Variants in MAOA observed in about 807,000 individuals in gnomAD.
MAOA encodes monoamine oxidase A.
Under a neutral mutation model 42.0 loss-of-function variants are expected in MAOA, and 6 were observed. That is an observed-to-expected ratio of 0.14 (90% CI 0.08 to 0.28). The LOEUF (loss-of-function observed/expected upper bound fraction) is 0.28, where lower values mean the gene tolerates loss of function less well. MAOA is among the 10% of genes least tolerant of loss of function. The pLI, the probability that MAOA is intolerant of heterozygous loss-of-function variation, is 1.00. For synonymous variants in MAOA, 140 were observed against 154.0 expected (o/e 0.91, Z 0.67); for missense variants, 262 against 422.3 (o/e 0.62, Z 3.33).
intron 1 of MAOA, among the ~76,000 whole-genome samples, chrX:43,676,067 C>G (rs756798918): frequency 1.8e-5 from 2 of 112,500 alleles, no homozygotes; most frequent in South Asian, 7.3e-4. Context: ...CAGAGGCAGG[C>G]AGGCCTCCTT....
At chrX:43,733,868 CCTGAGAAAGGCAGGTG>C (rs1039112564) in intron 9 of MAOA, among the ~76,000 whole-genome samples, 12 of 111,988 alleles carry the variant, frequency 1.1e-4, no homozygotes, top group Non-Finnish European at 2.1e-4. Flanking sequence ...CACCAGCCTC[CCTGAGAAAGGCAGGTG>C]CTTACAACAT....
Position 43,693,378 on chromosome X carries a change from A to G in MAOA, c.256A>G (p.Ile86Val), listed in dbSNP as rs780148935. The G allele has an allele frequency of 1.7e-6, 2 of 1,209,448 alleles. No homozygotes were observed. Among genetic ancestry groups the G allele is most frequent in the Non-Finnish European group, 2.2e-6 (2 of 894,540 alleles). ...CTTACGCTTGTCTAAGGAGCTGGGC[A>G]TAGAGACTTACAAAGTGAATGTCAG... is the stretch of plus-strand genomic sequence containing the variant. ...RILRLSKELG[I>V]ETYKVNVSER... The change falls in exon 3 of 15, where the codon ATA becomes GTA. Residue 86 changes from isoleucine (I) to valine (V), a missense_variant. Around this residue, in one of 3 missense-constraint regions of MAOA, gnomAD observed 141 missense variants for 195.6 expected, o/e 0.72. Coordinates refer to ENST00000338702, the MANE Select transcript of MAOA (RefSeq NM_000240.4).
At chrX:43,731,936 C>A in intron 8 of MAOA, 83 bp downstream of exon 8, 1 of 926,983 alleles carries the variant, frequency 1.1e-6, no homozygotes, top group Non-Finnish European at 1.6e-6. Context: ...AGGTATTGAA[C>A]AGAAACAAAG....
At chrX:43,685,927 G>T (rs2033484302) in intron 2 of MAOA, among the ~76,000 whole-genome samples, 1 of 111,957 alleles carries the variant, frequency 8.9e-6, no homozygotes, top group African/African-American at 3.3e-5. Context: ...CCTCTGTACT[G>T]ACTTGACATG....
chrX:43,666,053 A>T (rs1293173377), intron 1 of MAOA, among the ~76,000 whole-genome samples: 1 of 111,845 alleles, frequency 8.9e-6, no homozygotes, highest in Admixed American at 9.5e-5. Flanking sequence ...GCTTGAGATA[A>T]ATATATTCTA....
chrX:43,717,738 T>C (rs1036719017), intron 5 of MAOA, among the ~76,000 whole-genome samples: 4 of 109,764 alleles, frequency 3.6e-5, no homozygotes, highest in African/African-American at 1.3e-4. Context: ...GGGTAGATGG[T>C]TTGGCGGAAT....
rs760422737 is a variant in MAOA, at chrX:43,656,363, A to G, written c.22A>G (p.Ser8Gly). The part of the protein sequence containing the change: MENQEKA[S>G]IAGHMFDVVV... ...AAGCATGGAGAATCAAGAGAAGGCG[A>G]GTATCGCGGGCCACATGTTCGACGT... The change falls in exon 1 of 15, where the codon AGT becomes GGT. Residue 8 changes from serine to glycine, a missense_variant. Physicochemically the swap from Ser to Gly is moderately conservative, Grantham distance 56 (BLOSUM62 0). Coordinates refer to ENST00000338702, the MANE Select transcript of MAOA (RefSeq NM_000240.4). The G allele has an allele frequency of 8.3e-7, 1 of 1,211,565 alleles. No homozygotes were observed. The highest frequency in any genetic ancestry group is 3.0e-5 in the East Asian group (1 of 33,778).
intron 12 of MAOA, among the ~76,000 whole-genome samples, 169 bp downstream of exon 12, chrX:43,742,216 A>G (rs898263391): frequency 1.8e-5 from 2 of 112,891 alleles, no homozygotes; most frequent in African/African-American, 6.4e-5. Flanking sequence ...ATGTCATTAC[A>G]TAGAACAATA....
intron 10 of MAOA, among the ~76,000 whole-genome samples, chrX:43,738,779 C>A (rs904753563): frequency 4.5e-5 from 5 of 111,884 alleles, no homozygotes; most frequent in African/African-American, 1.6e-4. Context: ...CATAATCGTG[C>A]CACTGCATTC....
intron 5 of MAOA, among the ~76,000 whole-genome samples, chrX:43,720,313 G>A (rs1261390198): frequency 1.8e-5 from 2 of 109,938 alleles, no homozygotes; most frequent in South Asian, 4.0e-4. Flanking sequence ...GGGGAGACAA[G>A]AAGGGCAGAT....
At position 43,744,391 on chromosome X, in the gene MAOA, C is replaced by A. The variant is rs2033983941; in HGVS notation, c.1462C>A (p.His488Asn). Residue 488 changes from histidine (H) to asparagine (N), a missense_variant, in exon 15 of 15, where the codon CAC becomes AAC. His to Asn is a moderately conservative substitution (Grantham distance 68). Around this residue, in one of 3 missense-constraint regions of MAOA, gnomAD observed 35 missense variants for 36.4 expected, o/e 0.96. Transcript: ENST00000338702. ...SKDVPAVEIT[H>N]TFWERNLPSV... The stretch of plus-strand genomic sequence containing the variant: ...GGACGTTCCAGCGGTAGAAATCACC[C>A]ACACCTTCTGGGAAAGGAACCTGCC... 8.3e-7 allele frequency: 1 copy of A among 1,210,888 alleles called. No homozygotes were observed. Among genetic ancestry groups the A allele is most frequent in the East Asian group, 3.0e-5 (1 of 33,815 alleles).
chrX:43,677,597 A>G (rs2033409243), intron 1 of MAOA, among the ~76,000 whole-genome samples: 1 of 111,762 alleles, frequency 8.9e-6, no homozygotes, highest in Non-Finnish European at 1.9e-5. Flanking sequence ...TAGGAGAGGA[A>G]TTGTATTGTT....
At chrX:43,734,132 CTTTTTTTTT>C (rs745875170) in intron 9 of MAOA, among the ~76,000 whole-genome samples, 4 of 62,434 alleles carry the variant, frequency 6.4e-5, no homozygotes, top group African/African-American at 2.1e-4. Flanking sequence ...TTTGGGCTTT[CTTTTTTTTT>C]TTTTTTTTTT....
chrX:43,708,900 G>T (rs1446415616), intron 3 of MAOA, among the ~76,000 whole-genome samples: 2 of 109,613 alleles, frequency 1.8e-5, no homozygotes, highest in Non-Finnish European at 3.8e-5. Context: ...GTGCTCTGTC[G>T]CTCAGGCTGG....
chrX:43,721,910 A>C (rs1284617115), intron 5 of MAOA, among the ~76,000 whole-genome samples: 1 of 109,117 alleles, frequency 9.2e-6, no homozygotes, highest in African/African-American at 3.4e-5. Flanking sequence ...TCGTTGTTCA[A>C]CTCTCACTTA....
At chrX:43,672,952 A>G (rs1341249126) in intron 1 of MAOA, among the ~76,000 whole-genome samples, 2 of 111,747 alleles carry the variant, frequency 1.8e-5, no homozygotes, top group Non-Finnish European at 1.9e-5. Context: ...TACGGGCCTC[A>G]TAAAATGAGT....
chrX:43,681,878 A>ATTT (rs1282241261), intron 1 of MAOA, among the ~76,000 whole-genome samples: 3 of 80,384 alleles, frequency 3.7e-5, no homozygotes, highest in Non-Finnish European at 6.8e-5. Flanking sequence ...ATATATATAT[A>ATTT]TATTTTTTTT....
chrX:43,725,445 C>T (rs981733120), intron 5 of MAOA, among the ~76,000 whole-genome samples: 1 of 111,081 alleles, frequency 9.0e-6, no homozygotes, highest in Non-Finnish European at 1.9e-5. Flanking sequence ...TCTCTTTTGA[C>T]CTTTGTTCGT....
intron 2 of MAOA, among the ~76,000 whole-genome samples, chrX:43,688,156 C>T (rs1290984556): frequency 8.9e-6 from 1 of 112,922 alleles, no homozygotes; most frequent in East Asian, 2.8e-4. Context: ...TGCCAATAAC[C>T]TCTGTAACCT....
Sources: gnomAD v4.1 joint callset for allele counts (sites outside exome capture counted in the v4.1 genomes callset) on GRCh38, gnomAD v4.1.1 for gene constraint, gnomAD v4.1.1 regional missense constraint, MANE v1.5 for transcripts, NCBI Gene and HGNC (gene_info 2026-07-23, HGNC 2026-07-21) for gene names.